COG5: variants seen among roughly 807,000 people sequenced by gnomAD.
COG5 encodes the protein conserved oligomeric Golgi complex subunit 5.
COG5 carries 86 observed loss-of-function variants against 110.4 expected under a neutral mutation model. The ratio of observed to expected loss-of-function variants is 0.78; its 90% CI spans 0.65 to 0.93. The LOEUF is 0.93. Among genes scored for constraint, COG5 ranks in the 40% least tolerant of loss-of-function variants. The pLI is 0.00. For missense variants in COG5, 1,077 were observed against 987.0 expected (o/e 1.09, Z -1.22); for synonymous variants, 360 against 334.6 (o/e 1.08, Z -0.83).
intron 5 of COG5, among the ~76,000 whole-genome samples, chr7:107,536,675 T>C (rs1397676538): frequency 2.0e-5 from 3 of 152,108 alleles, no homozygotes; most frequent in Non-Finnish European, 4.4e-5. Context: ...ATCATGAAAA[T>C]GGCCATTCTG....
chr7:107,294,747 GCT>G (rs1806466931), intron 12 of COG5, among the ~76,000 whole-genome samples: 1 of 107,794 alleles, frequency 9.3e-6, no homozygotes, highest in South Asian at 3.0e-4. Flanking sequence ...ACAGAATCTT[GCT>G]CTGTTGCCTG....
chr7:107,294,868 A>G (rs868769961), intron 12 of COG5, among the ~76,000 whole-genome samples: 1 of 108,436 alleles, frequency 9.2e-6, no homozygotes, highest in Non-Finnish European at 1.9e-5. Context: ...GGCATGTGCC[A>G]CCATGCCTGG....
At chr7:107,375,054 C>T in intron 7 of COG5, among the ~76,000 whole-genome samples, 1 of 152,130 alleles carries the variant, frequency 6.6e-6, no homozygotes, top group African/African-American at 2.4e-5. Context: ...CAAATATTAT[C>T]ACTATCATTA....
At chr7:107,451,431 A>G (rs955105993) in intron 6 of COG5, among the ~76,000 whole-genome samples, 4 of 152,220 alleles carry the variant, frequency 2.6e-5, no homozygotes, top group Non-Finnish European at 2.9e-5. Context: ...CTTCCATGTT[A>G]CAGGCGCTGA....
At chr7:107,308,953 A>C (rs1807973153) in intron 11 of COG5, among the ~76,000 whole-genome samples, 2 of 140,272 alleles carry the variant, frequency 1.4e-5, no homozygotes, top group East Asian at 4.1e-4. Flanking sequence ...GAATTATTCT[A>C]TACATTTCCT....
At chr7:107,502,820 G>A (rs185815904) in intron 6 of COG5, among the ~76,000 whole-genome samples, 66 of 152,218 alleles carry the variant, frequency 4.3e-4, no homozygotes, top group African/African-American at 1.5e-3. Flanking sequence ...CTTCTTTTGA[G>A]AAATGTCTAT....
intron 6 of COG5, among the ~76,000 whole-genome samples, chr7:107,525,972 A>C (rs948524300): frequency 1.3e-5 from 2 of 152,224 alleles, no homozygotes; most frequent in African/African-American, 4.8e-5. Flanking sequence ...AGCAAAACCT[A>C]TATTTCAGCA....
At chr7:107,440,004 T>C (rs1163514822) in intron 6 of COG5, among the ~76,000 whole-genome samples, 1 of 152,166 alleles carries the variant, frequency 6.6e-6, no homozygotes, top group Admixed American at 6.5e-5. Flanking sequence ...ACATCCTCCA[T>C]GAATTTCTTG....
chr7:107,513,375 G>A (rs201548634), intron 6 of COG5, among the ~76,000 whole-genome samples: 27 of 151,794 alleles, frequency 1.8e-4, no homozygotes, highest in Non-Finnish European at 3.1e-4. Context: ...TTAGAATGGC[G>A]ATCATTAAAA....
At chr7:107,549,756 T>G (rs1802752148) in intron 3 of COG5, among the ~76,000 whole-genome samples, 1 of 151,996 alleles carries the variant, frequency 6.6e-6, no homozygotes. Context: ...TCTCATTAGT[T>G]GTTCCCACTT....
At chr7:107,549,142 C>T (rs1171258870) in intron 3 of COG5, 1 of 152,228 alleles carries the variant, frequency 6.6e-6, no homozygotes, top group Non-Finnish European at 1.5e-5. Flanking sequence ...CACTTTTCTG[C>T]TGGTTTTGTG....
chr7:107,402,937 C>CT (rs1791546013), intron 7 of COG5, among the ~76,000 whole-genome samples: 1 of 151,946 alleles, frequency 6.6e-6, no homozygotes. Context: ...ATGTATTTTT[C>CT]GTGTAGAAAG....
chr7:107,510,431 T>C (rs1023475447), intron 6 of COG5, among the ~76,000 whole-genome samples: 1 of 152,084 alleles, frequency 6.6e-6, no homozygotes, highest in Non-Finnish European at 1.5e-5. Context: ...AGACTTAGAC[T>C]CCTACACAAT....
intron 17 of COG5, among the ~76,000 whole-genome samples, chr7:107,244,533 G>A: frequency 6.6e-6 from 1 of 152,086 alleles, no homozygotes; most frequent in East Asian, 1.9e-4. Flanking sequence ...ATGAATCCAG[G>A]AGTAGGCTTT....
chr7:107,469,087 T>C (rs905797165), intron 6 of COG5, among the ~76,000 whole-genome samples: 1 of 151,140 alleles, frequency 6.6e-6, no homozygotes, highest in African/African-American at 2.4e-5. Flanking sequence ...TCAGTACTTG[T>C]ACCATTATTT....
chr7:107,493,249 GA>G (rs1171798062), intron 6 of COG5, among the ~76,000 whole-genome samples: 1 of 152,100 alleles, frequency 6.6e-6, no homozygotes, highest in Non-Finnish European at 1.5e-5. Flanking sequence ...CTTGCCTCCA[GA>G]ACTGTGAGAT....
chr7:107,210,742 G>T (rs550598999), intron 20 of COG5, 137 bp from the exon 21 acceptor site: 3 of 991,410 alleles, frequency 3.0e-6, no homozygotes, highest in East Asian at 5.2e-5. Flanking sequence ...AGTGTGAAGG[G>T]GGCATAGGCC....
chr7:107,474,771 T>C lies in COG5; in HGVS notation c.538+52466A>G. ...TCACATACACCAAAATACTTCAGGC[T>C]CTTAATATTCGAATAGGCACAAGAT... On this transcript the variant is annotated intron_variant, in intron 6 of 21. Transcript: ENST00000297135. The surrounding 1 kb of genome is among the most constrained non-coding windows in gnomAD (Gnocchi z 5.7). 1 of 1,611,274 alleles carries C rather than the reference T, an allele frequency of 6.2e-7. No homozygotes were observed. The highest frequency in any genetic ancestry group is 1.3e-5 in the African/African-American group (1 of 74,854).
At chr7:107,276,624 G>C (rs1268556247) in intron 14 of COG5, among the ~76,000 whole-genome samples, 1 of 152,142 alleles carries the variant, frequency 6.6e-6, no homozygotes, top group East Asian at 1.9e-4. Flanking sequence ...CTGTACTTCA[G>C]GCTGGCCAAC....
Sources: gnomAD v4.1 joint callset for allele counts (sites outside exome capture counted in the v4.1 genomes callset) on GRCh38, gnomAD v4.1.1 for gene constraint, Gnocchi (gnomAD v3.1) non-coding constraint, MANE v1.5 for transcripts, NCBI Gene and HGNC (gene_info 2026-07-23, HGNC 2026-07-21) for gene names.